The following RMP64 variants were observed in gnomAD, a reference collection of about 807,000 sequenced individuals.
RMP64 encodes nucleolus and neural progenitor protein.
the RMP64 span, chr3:113,014,698 A>G: frequency 6.6e-6 from 1 of 152,138 alleles, no homozygotes; most frequent in Non-Finnish European, 1.5e-5. Flanking sequence ...AAGATAGAAA[A>G]TTATTAACTA....
At chr3:113,005,750 G>C in the RMP64 span, 1 of 1,613,836 alleles carries the variant, frequency 6.2e-7, no homozygotes, top group African/African-American at 1.3e-5. Context: ...GTAGAGATCA[G>C]TTCTATGCAC....
At chr3:113,006,978 G>A in the RMP64 span, among the ~76,000 whole-genome samples, 4 of 152,122 alleles carry the variant, frequency 2.6e-5, no homozygotes, top group African/African-American at 7.2e-5. Flanking sequence ...CAGCAAAACA[G>A]GGCAATCTAT....
chr3:113,017,496 G>A, the RMP64 span: 1 of 1,614,158 alleles, frequency 6.2e-7, no homozygotes, highest in Non-Finnish European at 8.5e-7. Context: ...TGTTGTGATT[G>A]CTGTAAAGGA....
At chr3:113,017,313 G>A in the RMP64 span, 1 of 594,124 alleles carries the variant, frequency 1.7e-6, no homozygotes, top group South Asian at 3.9e-5. Context: ...ATGTAACTGT[G>A]GGCTATAGGC....
At chr3:113,003,793 C>A in the RMP64 span, 1 of 152,138 alleles carries the variant, frequency 6.6e-6, no homozygotes, top group Non-Finnish European at 1.5e-5. Context: ...AAACCTAAGC[C>A]TGAGGAAACT....
At chr3:113,017,080 T>C in the RMP64 span, among the ~76,000 whole-genome samples, 3 of 152,350 alleles carry the variant, frequency 2.0e-5, no homozygotes, top group East Asian at 1.9e-4. Context: ...ATTCTGATTA[T>C]GCCCAGGGAA....
the RMP64 span, among the ~76,000 whole-genome samples, chr3:113,018,533 T>TTGTTC: frequency 6.6e-6 from 1 of 152,180 alleles, no homozygotes; most frequent in Non-Finnish European, 1.5e-5. Context: ...CCTTATTTTG[T>TTGTTC]TGTTCTGTTC....
At chr3:113,010,466 CTA>C in the RMP64 span, 1 of 589,512 alleles carries the variant, frequency 1.7e-6, no homozygotes, top group East Asian at 2.8e-5. Context: ...ACTGAATTAA[CTA>C]GATGTATTAA....
At chr3:113,008,408 C>T in the RMP64 span, 1 of 1,611,148 alleles carries the variant, frequency 6.2e-7, no homozygotes, top group South Asian at 1.1e-5. Context: ...GGATTGAGAA[C>T]ATTTAAAATC....
At chr3:113,017,928 G>A in the RMP64 span, among the ~76,000 whole-genome samples, 2 of 152,156 alleles carry the variant, frequency 1.3e-5, no homozygotes, top group Non-Finnish European at 2.9e-5. Context: ...CGCCTCATGT[G>A]TACACTTAAC....
At chr3:113,018,186 T>A in the RMP64 span, among the ~76,000 whole-genome samples, 2 of 152,162 alleles carry the variant, frequency 1.3e-5, no homozygotes, top group Non-Finnish European at 2.9e-5. Flanking sequence ...AGTCTGAAAA[T>A]CTGTAGAAGT....
chr3:113,008,375 G>T, the RMP64 span: 26,564 of 1,613,186 alleles, frequency 0.016, 357 homozygotes, highest in Non-Finnish European at 0.017. Flanking sequence ...TTTCTGAGAA[G>T]AATACTTGGT....
At chr3:113,012,795 G>C in the RMP64 span, 1 of 1,605,572 alleles carries the variant, frequency 6.2e-7, no homozygotes, top group Non-Finnish European at 8.5e-7. Context: ...TGCAAACCTA[G>C]ATGTTTCACA....
chr3:113,017,321 G>A, the RMP64 span: 9 of 709,562 alleles, frequency 1.3e-5, no homozygotes, highest in East Asian at 2.7e-5. Flanking sequence ...GTGGGCTATA[G>A]GCCTATAAAA....
chr3:113,019,366 C>G, the RMP64 span, among the ~76,000 whole-genome samples: 2,647 of 152,328 alleles, frequency 0.017, 93 homozygotes, highest in African/African-American at 0.061. Flanking sequence ...AAGCCAGAGG[C>G]CCTACAAGCT....
the RMP64 span, chr3:113,010,413 C>A: frequency 2.0e-6 from 1 of 502,942 alleles, no homozygotes. Context: ...CTTTAAAATT[C>A]TAGAGAAACT....
chr3:113,005,976 T>C, the RMP64 span: 3 of 1,612,850 alleles, frequency 1.9e-6, no homozygotes, highest in Non-Finnish European at 1.7e-6. Context: ...CAAATAGACG[T>C]TTTTATGCAC....
the RMP64 span, among the ~76,000 whole-genome samples, chr3:113,018,151 G>A: frequency 6.6e-6 from 1 of 152,130 alleles, no homozygotes; most frequent in Non-Finnish European, 1.5e-5. Flanking sequence ...GATGAACACC[G>A]GGTGCTCATC....
At chr3:113,013,973 C>G in the RMP64 span, 1 of 1,613,362 alleles carries the variant, frequency 6.2e-7, no homozygotes, top group Non-Finnish European at 8.5e-7. Context: ...ACAACTCAAA[C>G]AGGTCTTGAA....
Sources: gnomAD v4.1 joint callset for allele counts (sites outside exome capture counted in the v4.1 genomes callset) on GRCh38, gnomAD v4.1.1 for gene constraint, MANE v1.5 for transcripts, NCBI Gene and HGNC (gene_info 2026-07-23, HGNC 2026-07-21) for gene names.